COBLL1: variants seen among roughly 807,000 people sequenced by gnomAD.
The protein encoded by COBLL1 is cordon-bleu WH2 repeat protein like 1.
A neutral mutation model predicts 94.8 loss-of-function variants in COBLL1; 50 were observed. The observed-to-expected ratio is 0.53, with a 90% CI of 0.42 to 0.67. The LOEUF (loss-of-function observed/expected upper bound fraction) is 0.67. Among genes scored for constraint, COBLL1 ranks in the 30% least tolerant of loss-of-function variants. The pLI is 0.00. For synonymous variants in COBLL1, 448 were observed against 473.8 expected, an observed-to-expected ratio of 0.95 and a Z score of 0.71; for missense variants, 1,362 against 1,348.7, an observed-to-expected ratio of 1.01 and a Z score of -0.15.
At chr2:164,679,513 A>G (rs973169985), downstream of COBLL1, among the ~76,000 whole-genome samples, 1 of 152,126 alleles carries the variant, frequency 6.6e-6, no homozygotes, top group African/African-American at 2.4e-5. Flanking sequence ...AAATGGGGCC[A>G]TGGTATCAAA....
At chr2:164,674,691 C>T (rs1377489980) in intron 1 of COBLL1, among the ~76,000 whole-genome samples, 2 of 152,038 alleles carry the variant, frequency 1.3e-5, no homozygotes, top group Non-Finnish European at 2.9e-5. Flanking sequence ...TGGAGTCTAC[C>T]CTCATGGGAA....
At chr2:164,815,326 G>A (rs955004891) in intron 2 of COBLL1, among the ~76,000 whole-genome samples, 6 of 151,578 alleles carry the variant, frequency 4.0e-5, no homozygotes, top group Admixed American at 1.3e-4. Context: ...TTGAACCCAG[G>A]AGGCGGAGGT....
chr2:164,772,052 T>G (rs183753793), intron 2 of COBLL1: 17 of 151,960 alleles, frequency 1.1e-4, no homozygotes, highest in African/African-American at 3.9e-4. Context: ...TCCTTATTAA[T>G]GACATCATTA....
At chr2:164,703,283 C>T in intron 9 of COBLL1, 1 of 997,146 alleles carries the variant, frequency 1.0e-6, no homozygotes, top group Non-Finnish European at 1.5e-6. Context: ...CAAGCAGAGA[C>T]CAAGAAGCAT....
At chr2:164,708,959 G>A (rs759396776) in intron 7 of COBLL1, among the ~76,000 whole-genome samples, 29 of 152,144 alleles carry the variant, frequency 1.9e-4, no homozygotes, top group Non-Finnish European at 3.7e-4. Context: ...CTCAATGAGA[G>A]TATCTACTTG....
intron 1 of COBLL1, among the ~76,000 whole-genome samples, chr2:164,668,220 T>G (rs1691195203): frequency 6.6e-6 from 1 of 151,924 alleles, no homozygotes; most frequent in African/African-American, 2.4e-5. Flanking sequence ...CGCCTTGGCC[T>G]CCCAAAGTGC....
chr2:164,673,918 C>T (rs1452584092), intron 1 of COBLL1, among the ~76,000 whole-genome samples: 1 of 152,112 alleles, frequency 6.6e-6, no homozygotes, highest in African/African-American at 2.4e-5. Flanking sequence ...AAGAATGAAG[C>T]TGGCTATTGT....
rs201560157 is a variant in COBLL1 at position 164,695,665 on chromosome 2, T to C, written c.1727A>G (p.Tyr576Cys). ...EAHETDTAIS[Y>C]KENHLAASSV... The stretch of plus-strand genomic sequence containing the variant: ...TGAAGCTGCTAGATGGTTTTCCTTG[T>C]AACTTATAGCAGTATCAGTTTCATG... The change falls in exon 12 of 14, where the codon TAC (tyrosine) becomes TGC (cysteine). Residue 576 changes from tyrosine (Y) to cysteine (C), a missense_variant. Transcript: ENST00000652658. The C allele has an allele frequency of 6.2e-6, 10 of 1,613,904 alleles. No homozygotes were observed. The East Asian group carries it at 1.3e-4, about 22-fold the overall frequency.
chr2:164,841,300 G>T lies in COBLL1; in HGVS notation c.-50-54C>A. ...GCGGGACGCGCGCCTTCCCGAGGCC[G>T]GAGCGAAGCTGGCTGAGCGTCAAGA... On this transcript the variant is annotated intron_variant, in intron 1 of 13. Transcript: ENST00000652658. This position sits in a 1 kb window ranked among gnomAD's most constrained non-coding sequence, Gnocchi z 5.5. The T allele has an allele frequency of 8.2e-7, 1 of 1,215,320 alleles. No individual in the cohort carries two copies. The highest frequency in any genetic ancestry group is 1.0e-6 in the Non-Finnish European group (1 of 977,326). The allele number at this position is 1,215,320 out of a possible 1,614,324, so 75.3% of individuals were successfully genotyped here.
At chr2:164,837,385 A>G (rs1477164841) in intron 2 of COBLL1, 1 of 437,918 alleles carries the variant, frequency 2.3e-6, no homozygotes, top group South Asian at 1.7e-5. Context: ...GAAAACTTAA[A>G]TAAATTTACT....
intron 2 of COBLL1, among the ~76,000 whole-genome samples, chr2:164,814,778 A>T (rs1051228986): frequency 1.1e-4 from 16 of 152,196 alleles, no homozygotes; most frequent in Admixed American, 3.3e-4. Context: ...TCCTCCATTA[A>T]AAGTAAACTA....
intron 2 of COBLL1, among the ~76,000 whole-genome samples, chr2:164,784,136 G>A (rs1191470404): frequency 1.3e-5 from 2 of 152,092 alleles, no homozygotes; most frequent in African/African-American, 2.4e-5. Flanking sequence ...TTTCTCTCTC[G>A]TCTCATGGTA....
At chr2:164,779,782 G>C in intron 2 of COBLL1, 1 of 469,288 alleles carries the variant, frequency 2.1e-6, no homozygotes, top group South Asian at 1.6e-5. Context: ...CCCAATAACT[G>C]AGCCTAGAGG....
chr2:164,772,523 G>A (rs1324249762), intron 2 of COBLL1, among the ~76,000 whole-genome samples: 1 of 151,900 alleles, frequency 6.6e-6, no homozygotes, highest in African/African-American at 2.4e-5. Flanking sequence ...CCTTCATTCT[G>A]TAAAGGTTTT....
downstream of COBLL1, among the ~76,000 whole-genome samples, chr2:164,676,858 C>T (rs935637043): frequency 5.3e-5 from 8 of 152,160 alleles, no homozygotes; most frequent in Non-Finnish European, 4.4e-5. Flanking sequence ...AGGAATTCTA[C>T]ACTCTCTAAA....
chr2:164,695,004 A>T lies in COBLL1; in HGVS notation c.2388T>A (p.Leu796=). 6.2e-7 allele frequency: 1 copy of T among 1,613,876 alleles called. No individual in the cohort carries two copies. Among genetic ancestry groups the T allele is most frequent in the Non-Finnish European group, 8.5e-7 (1 of 1,179,926 alleles). Residue 796 remains leucine (L), a synonymous_variant, in exon 12 of 14, where the codon CTT becomes CTA. Transcript: ENST00000652658. Reference sequence around the variant, plus strand: ...CTGTTCTCAGGTTAGGCTTCGGTTTAAGGTTTGGCAGTGGCTCTTCTGGGC... The same window carrying T: ...CTGTTCTCAGGTTAGGCTTCGGTTTTAGGTTTGGCAGTGGCTCTTCTGGGC... ...SESPEEPLPN[L]KPKPNLRTEH...
chr2:164,714,233 A>T (rs367943409), intron 7 of COBLL1, among the ~76,000 whole-genome samples: 19 of 151,982 alleles, frequency 1.3e-4, no homozygotes, highest in African/African-American at 4.6e-4. Flanking sequence ...TGTCTTCCTG[A>T]GGCAATCCGT....
chr2:164,721,934 C>T, intron 7 of COBLL1, 141 bp downstream of exon 7: 3 of 559,694 alleles, frequency 5.4e-6, no homozygotes, highest in East Asian at 5.8e-5. Flanking sequence ...CATCTTATTA[C>T]ATATTAGTAA....
chr2:164,794,658 A>C (rs1168908185), intron 2 of COBLL1, among the ~76,000 whole-genome samples: 1 of 152,174 alleles, frequency 6.6e-6, no homozygotes, highest in Non-Finnish European at 1.5e-5. Context: ...CAAGGCAGTG[A>C]CAGGGAAAGG....
Sources: allele counts gnomAD v4.1 joint callset (sites outside exome capture counted in the v4.1 genomes callset), GRCh38; gene constraint gnomAD v4.1.1; non-coding constraint Gnocchi (gnomAD v3.1); transcripts MANE v1.5; gene names NCBI Gene and HGNC (gene_info 2026-07-23, HGNC 2026-07-21).